PLCH2: variants seen among roughly 807,000 people sequenced by gnomAD.
PLCH2 encodes the protein 1-phosphatidylinositol 4,5-bisphosphate phosphodiesterase eta-2.
A neutral mutation model predicts 134.7 loss-of-function variants in PLCH2; 98 were observed. The ratio of observed to expected loss-of-function variants is 0.73; its 90% CI spans 0.62 to 0.86. The LOEUF is 0.86. Ranked by LOEUF, PLCH2 falls within the 40% of genes least tolerant of loss-of-function variation. The probability of loss-of-function intolerance (pLI) is 0.00; values close to 1 mark genes in which losing one functional copy is unlikely to be tolerated. For missense variants in PLCH2, 1,994 were observed against 1,986.6 expected (o/e 1.00, Z -0.07); for synonymous variants, 974 against 827.5 (o/e 1.18, Z -3.04).
upstream of PLCH2, among the ~76,000 whole-genome samples, chr1:2,473,641 C>T (rs1482900069): frequency 1.3e-5 from 2 of 152,194 alleles, no homozygotes; most frequent in Non-Finnish European, 2.9e-5. Flanking sequence ...GTCCAGCCAG[C>T]GCCTGCTACG....
In PLCH2 at chr1:2,498,249, C is replaced by T; in HGVS notation, c.2225-274C>T. 2.1e-6 allele frequency: 1 copy of T among 476,072 alleles called. No homozygotes were observed. The highest frequency in any genetic ancestry group is 3.8e-6 in the Non-Finnish European group (1 of 266,346). 29.5% of individuals were successfully genotyped at this position (476,072 alleles called of 1,614,324 possible). A position where few individuals can be genotyped will look rare whatever the true frequency, so the allele number is the denominator to read the frequency against. ...CCCCACCCCTCATACCCCCAGGGAC[C>T]CAGACCCACCCCCAGAAGCCATGTG... On this transcript the variant is annotated intron_variant, in intron 16 of 21. Coordinates refer to ENST00000378486, the MANE Select transcript of PLCH2 (RefSeq NM_014638.4). This position sits in a 1 kb window ranked among gnomAD's most constrained non-coding sequence, Gnocchi z 5.4.
intron 1 of PLCH2, among the ~76,000 whole-genome samples, chr1:2,427,924 G>A (rs1393543257): frequency 1.3e-5 from 2 of 152,132 alleles, no homozygotes; most frequent in African/African-American, 4.8e-5. Context: ...GGAACTTAGG[G>A]CTGTAGGACC....
At chr1:2,459,378 C>CGGTGGTCCTCCTTGCT (rs1640661430) in intron 2 of PLCH2, among the ~76,000 whole-genome samples, 1 of 129,624 alleles carries the variant, frequency 7.7e-6, no homozygotes, top group Non-Finnish European at 1.6e-5. Flanking sequence ...TCCTCCTTGC[C>CGGTGGTCCTCCTTGCT]GGTGGTCCTC....
Position 2,496,953 on chromosome 1 carries a change from C to A in PLCH2, c.2059C>A (p.Arg687Ser). 1 of 1,613,378 alleles carries A rather than the reference C, an allele frequency of 6.2e-7. No individual in the cohort carries two copies. The highest frequency in any genetic ancestry group is 8.5e-7 in the Non-Finnish European group (1 of 1,179,848). ...CTCCCGCATCTACCCCTCCTCCTAC[C>A]GTGTGGACTCCAGCAACTACAACCC... is the stretch of plus-strand genomic sequence containing the variant. ...QLSRIYPSSY[R>S]VDSSNYNPQP... The change falls in exon 15 of 22, where the codon CGT becomes AGT. Residue 687 changes from arginine to serine, a missense_variant. Physicochemically the swap from Arg to Ser is moderately radical, Grantham distance 110. Around this residue, in one of 2 missense-constraint regions of PLCH2, gnomAD observed 1,094 missense variants for 1,234.3 expected, o/e 0.89. Coordinates refer to ENST00000378486, the MANE Select transcript of PLCH2 (RefSeq NM_014638.4).
rs1383624096 is a variant in PLCH2 at position 2,459,282 on chromosome 1, C to T, written c.116-19194C>T. Reference sequence around the variant, plus strand: ...ATGCACGTGCCCCTTGCAGCCTTGCCGGTGGTCTTCCTTGCCAGTGGTCCT... The same window carrying T: ...ATGCACGTGCCCCTTGCAGCCTTGCTGGTGGTCTTCCTTGCCAGTGGTCCT... On this transcript the variant is annotated intron_variant, in intron 2 of 3. Coordinates refer to the PLCH2 transcript ENST00000609981. 5.3e-5 allele frequency among the ~76,000 whole-genome samples: 8 copies of T among 151,886 alleles called. No homozygotes were observed. In the East Asian group the frequency reaches 7.7e-4, roughly 15 times the overall value.
In PLCH2 at chr1:2,498,275, ACCT is replaced by A. The variant is rs1313038459; in HGVS notation, c.2225-243_2225-241del. 2 of 443,934 alleles carry A rather than the reference ACCT, an allele frequency of 4.5e-6. No homozygotes were observed. The highest frequency in any genetic ancestry group is 8.1e-6 in the Non-Finnish European group (2 of 248,386). 27.5% of individuals were successfully genotyped at this position (443,934 alleles called of 1,614,324 possible). A position where few individuals can be genotyped will look rare whatever the true frequency, so the allele number is the denominator to read the frequency against. On this transcript the variant is annotated intron_variant, in intron 16 of 21. Coordinates refer to ENST00000378486, the MANE Select transcript of PLCH2 (RefSeq NM_014638.4). The surrounding 1 kb of genome is among the most constrained non-coding windows in gnomAD (Gnocchi z 5.4). ...CAGACCCACCCCCAGAAGCCATGTG[ACCT>A]CCTCGGCTCAGCTGTGGGAGGCATG...
At chr1:2,476,745 G>A in intron 1 of PLCH2, 33 bp downstream of exon 1, 1 of 1,561,422 alleles carries the variant, frequency 6.4e-7, no homozygotes, top group African/African-American at 1.4e-5. Flanking sequence ...CCTGGGCTGA[G>A]TGCTGGCCCT....
intron 2 of PLCH2, among the ~76,000 whole-genome samples, chr1:2,434,026 A>T (rs914021137): frequency 6.6e-6 from 1 of 152,130 alleles, no homozygotes; most frequent in Non-Finnish European, 1.5e-5. Context: ...TGCCATCAAC[A>T]TCGCAGGAGG....
upstream of PLCH2, among the ~76,000 whole-genome samples, chr1:2,463,309 C>T (rs1380217364): frequency 1.3e-5 from 2 of 152,144 alleles, no homozygotes; most frequent in Non-Finnish European, 2.9e-5. Context: ...GATCCAGGGG[C>T]CTCTGGGGGC....
At chr1:2,431,391 C>T (rs1639064595) in intron 2 of PLCH2, among the ~76,000 whole-genome samples, 1 of 152,168 alleles carries the variant, frequency 6.6e-6, no homozygotes, top group African/African-American at 2.4e-5. Context: ...GTGGCTCCGG[C>T]TTGTCAATGC....
Position 2,480,306 on chromosome 1 carries a change from G to A in PLCH2, c.639G>A (p.Met213Ile), listed in dbSNP as rs1641893451. 1.2e-6 allele frequency: 2 copies of A among 1,612,222 alleles called. No individual in the cohort carries two copies. The highest frequency in any genetic ancestry group is 2.2e-5 in the East Asian group (1 of 44,868). ...VNLPRQRVKQ[M>I]FREADTDDHQ... ...TGCCCCGGCAGAGGGTGAAGCAGAT[G>A]TTCAGGGTGAGCTGGGGGGAGCCCT... Residue 213 changes from methionine (M) to isoleucine (I), a missense_variant, in exon 4 of 22, where the codon ATG (methionine) becomes ATA (isoleucine). Transcript: ENST00000378486.
In PLCH2 at chr1:2,489,222, G is replaced by A. The variant is rs1412874262; in HGVS notation, c.1251G>A (p.Leu417=). 2 of 1,613,704 alleles carry A rather than the reference G, an allele frequency of 1.2e-6. No homozygotes were observed. The highest frequency in any genetic ancestry group is 1.7e-6 in the Non-Finnish European group (2 of 1,179,840). Residue 417 remains leucine (L), a synonymous_variant, in exon 9 of 22, where the codon CTG becomes CTA. Coordinates refer to ENST00000378486, the MANE Select transcript of PLCH2 (RefSeq NM_014638.4). Reference sequence around the variant, plus strand: ...GGGGCCACAGGTACCCAGTGATCCTGTCCATCGAAAACCACTGCAGTGTCA... The same window carrying A: ...GGGGCCACAGGTACCCAGTGATCCTATCCATCGAAAACCACTGCAGTGTCA... The part of the protein sequence containing the change: ...AFIKNEYPVI[L]SIENHCSVIQ...
At position 2,504,571 on chromosome 1, in the gene PLCH2, C is replaced by A; in HGVS notation, c.3609C>A (p.Asn1203Lys). Residue 1203 changes from asparagine (N) to lysine (K), a missense_variant, in exon 22 of 22, where the codon AAC becomes AAA. Physicochemically the swap from Asn to Lys is moderately conservative, Grantham distance 94. Coordinates refer to ENST00000378486, the MANE Select transcript of PLCH2 (RefSeq NM_014638.4). Reference sequence around the variant, plus strand: ...CACCTGTGACCAAGAGCAAATCCAACCCCAACCTTCGGGCTACAGGCCAGC... The same window carrying A: ...CACCTGTGACCAAGAGCAAATCCAAACCCAACCTTCGGGCTACAGGCCAGC... ...DLPPVTKSKS[N>K]PNLRATGQRP... The A allele has an allele frequency of 6.2e-7, 1 of 1,612,794 alleles. No homozygotes were observed. Among genetic ancestry groups the A allele is most frequent in the East Asian group, 2.2e-5 (1 of 44,876 alleles).
chr1:2,426,815 C>T (rs552714977), intron 1 of PLCH2, among the ~76,000 whole-genome samples: 51 of 152,322 alleles, frequency 3.3e-4, no homozygotes, highest in African/African-American at 1.2e-3. Flanking sequence ...AGCAGGTGGG[C>T]GTAGCCAGGC....
At chr1:2,435,568 A>G (rs1037649037) in intron 2 of PLCH2, among the ~76,000 whole-genome samples, 6 of 151,986 alleles carry the variant, frequency 3.9e-5, no homozygotes, top group Non-Finnish European at 7.4e-5. Context: ...AGGGACCTCA[A>G]TGGGGTCCCT....
chr1:2,467,355 G>GGC, upstream of PLCH2: 1 of 372,022 alleles, frequency 2.7e-6, no homozygotes, highest in Non-Finnish European at 4.8e-6. Context: ...GAGGCTGCTG[G>GGC]GCCCGGGCTG....
At chr1:2,423,617 G>C (rs779646838), upstream of PLCH2, among the ~76,000 whole-genome samples, 54 of 152,112 alleles carry the variant, frequency 3.6e-4, no homozygotes, top group Non-Finnish European at 4.1e-4. Flanking sequence ...CTGACTTGTT[G>C]GGGTAAGGGG....
chr1:2,450,232 T>C (rs1640127241), intron 2 of PLCH2, among the ~76,000 whole-genome samples: 1 of 152,128 alleles, frequency 6.6e-6, no homozygotes, highest in Admixed American at 6.5e-5. Context: ...GTTTGGTTTT[T>C]GTCTGCAAAA....
chr1:2,452,304 G>A (rs1014577021), intron 2 of PLCH2, among the ~76,000 whole-genome samples: 5 of 152,160 alleles, frequency 3.3e-5, no homozygotes, highest in Admixed American at 6.5e-5. Context: ...CCCATCCCCC[G>A]GCCCTGCCTG....
Sources: allele counts gnomAD v4.1 joint callset (sites outside exome capture counted in the v4.1 genomes callset), GRCh38; gene constraint gnomAD v4.1.1; regional missense constraint gnomAD v4.1.1; non-coding constraint Gnocchi (gnomAD v3.1); transcripts MANE v1.5; gene names NCBI Gene and HGNC (gene_info 2026-07-23, HGNC 2026-07-21).